CAMKMT: variants seen among roughly 807,000 people sequenced by gnomAD.
The protein encoded by CAMKMT is CaM KMT.
CAMKMT carries 53 observed loss-of-function variants against 48.0 expected under a neutral mutation model. The observed-to-expected ratio is 1.10, with a 90% CI of 0.89 to 1.39. The LOEUF (loss-of-function observed/expected upper bound fraction) is 1.39. CAMKMT is among the 40% of genes most tolerant of loss of function. The probability of loss-of-function intolerance (pLI) is 0.00; values close to 1 mark genes in which losing one functional copy is unlikely to be tolerated. For synonymous variants in CAMKMT, 165 were observed against 152.3 expected (o/e 1.08, Z -0.61); for missense variants, 428 against 402.7 (o/e 1.06, Z -0.54).
chr2:44,530,110 A>C (rs764215), intron 3 of CAMKMT, among the ~76,000 whole-genome samples: 1 of 152,174 alleles, frequency 6.6e-6, no homozygotes, highest in African/African-American at 2.4e-5. Context: ...GCTCACTTCA[A>C]TGTCATAGTA....
chr2:44,428,342 G>A (rs1457495164), intron 3 of CAMKMT, among the ~76,000 whole-genome samples: 1 of 152,202 alleles, frequency 6.6e-6, no homozygotes, highest in East Asian at 1.9e-4. Flanking sequence ...ATGTTCAGCT[G>A]CCTCTTCTCT....
At chr2:44,567,633 A>G (rs1668685151) in intron 3 of CAMKMT, among the ~76,000 whole-genome samples, 1 of 152,152 alleles carries the variant, frequency 6.6e-6, no homozygotes, top group South Asian at 2.1e-4. Flanking sequence ...AAAGACTGCT[A>G]TTAGACAGAG....
chr2:44,612,765 G>A (rs867001906), intron 3 of CAMKMT, among the ~76,000 whole-genome samples: 1 of 151,944 alleles, frequency 6.6e-6, no homozygotes, highest in Admixed American at 6.6e-5. Context: ...ATTATAACAG[G>A]GACTCAAAAG....
chr2:44,761,080 G>T (rs558040879), intron 9 of CAMKMT, among the ~76,000 whole-genome samples: 9 of 152,178 alleles, frequency 5.9e-5, no homozygotes, highest in Non-Finnish European at 1.2e-4. Flanking sequence ...CAGAGGTGTG[G>T]GCAACCCTTG....
rs571410173 is a variant in CAMKMT, at chr2:44,618,669, G to A, written c.377-85614G>A. ...AATAGTCTTTCTTGAGTGGATTTGA[G>A]CACTTTGGCTGTGTGTTTATGTGTA... On this transcript the variant is annotated intron_variant, in intron 3 of 10. Coordinates refer to ENST00000378494, the MANE Select transcript of CAMKMT (RefSeq NM_024766.5). The surrounding 1 kb of genome is among the most constrained non-coding windows in gnomAD (Gnocchi z 4.0). Among the ~76,000 whole-genome samples the A allele has an allele frequency of 6.6e-6, 1 of 152,274 alleles. No homozygotes were observed. Among genetic ancestry groups the A allele is most frequent in the Admixed American group, 6.5e-5 (1 of 15,298 alleles).
intron 3 of CAMKMT, among the ~76,000 whole-genome samples, chr2:44,579,272 G>C (rs1669409190): frequency 6.6e-6 from 1 of 151,642 alleles, no homozygotes; most frequent in Non-Finnish European, 1.5e-5. Flanking sequence ...AATGTCAGAT[G>C]AGTCATTTTG....
At chr2:44,711,798 A>C (rs1428806694) in intron 6 of CAMKMT, among the ~76,000 whole-genome samples, 1 of 152,198 alleles carries the variant, frequency 6.6e-6, no homozygotes, top group Non-Finnish European at 1.5e-5. Context: ...ATACTCCATT[A>C]AGCCTAACAA....
At chr2:44,629,436 T>C (rs1359508507) in intron 3 of CAMKMT, among the ~76,000 whole-genome samples, 2 of 140,038 alleles carry the variant, frequency 1.4e-5, no homozygotes, top group African/African-American at 5.7e-5. Flanking sequence ...TTTCTTTCTT[T>C]TTTTTTTTTT....
At chr2:44,470,771 C>T (rs1392977156) in intron 3 of CAMKMT, among the ~76,000 whole-genome samples, 1 of 152,010 alleles carries the variant, frequency 6.6e-6, no homozygotes, top group Non-Finnish European at 1.5e-5. Context: ...AAAAGTAATA[C>T]CTTATTGAGT....
chr2:44,705,253 T>C, intron 4 of CAMKMT: 1 of 539,034 alleles, frequency 1.9e-6, no homozygotes, highest in Non-Finnish European at 2.4e-6. Context: ...TGGCTTCTTC[T>C]CCTCCCTTTC....
intron 3 of CAMKMT, among the ~76,000 whole-genome samples, chr2:44,527,767 TC>T (rs1666233130): frequency 8.9e-6 from 1 of 112,912 alleles, no homozygotes; most frequent in Non-Finnish European, 1.8e-5. Context: ...CATGACCCCC[TC>T]CTCCCACATG....
chr2:44,366,364 T>C (rs1040996643), intron 1 of CAMKMT, among the ~76,000 whole-genome samples: 2 of 152,258 alleles, frequency 1.3e-5, no homozygotes, highest in African/African-American at 4.8e-5. Context: ...TGCTCTTCAC[T>C]GATCTATATC....
At chr2:44,768,369 T>A (rs1158849271) in intron 10 of CAMKMT, among the ~76,000 whole-genome samples, 32 of 120,144 alleles carry the variant, frequency 2.7e-4, no homozygotes, top group Middle Eastern at 8.1e-3. Context: ...ATATTTTTTT[T>A]TTTTTTTTAA....
At chr2:44,396,037 TTAATAAATAGTA>T (rs1345692679) in intron 3 of CAMKMT, among the ~76,000 whole-genome samples, 1 of 152,134 alleles carries the variant, frequency 6.6e-6, no homozygotes, top group Non-Finnish European at 1.5e-5. Flanking sequence ...GATGGATTCT[TTAATAAATAGTA>T]TTGGGACCAT....
intron 2 of CAMKMT, among the ~76,000 whole-genome samples, chr2:44,381,501 A>C (rs1388053935): frequency 6.6e-6 from 1 of 152,228 alleles, no homozygotes; most frequent in Non-Finnish European, 1.5e-5. Context: ...AATCAGAAAT[A>C]GATTTGATGT....
At chr2:44,571,771 C>A (rs898300037) in intron 3 of CAMKMT, among the ~76,000 whole-genome samples, 6 of 151,738 alleles carry the variant, frequency 4.0e-5, no homozygotes, top group Non-Finnish European at 8.8e-5. Context: ...CTAGGGAGTT[C>A]GAGACCAGCC....
intron 3 of CAMKMT, among the ~76,000 whole-genome samples, chr2:44,607,359 G>A (rs548440837): frequency 1.3e-5 from 2 of 152,278 alleles, no homozygotes; most frequent in Admixed American, 1.3e-4. Flanking sequence ...CTAATTTGGG[G>A]AAGGAAGGTT....
intron 3 of CAMKMT, among the ~76,000 whole-genome samples, chr2:44,693,725 G>A (rs1558800409): frequency 6.6e-6 from 1 of 152,220 alleles, no homozygotes; most frequent in Non-Finnish European, 1.5e-5. Context: ...AAGAAAAGGA[G>A]ACAGAGTACA....
At chr2:44,605,987 C>G (rs1387766114) in intron 3 of CAMKMT, among the ~76,000 whole-genome samples, 1 of 152,072 alleles carries the variant, frequency 6.6e-6, no homozygotes, top group Non-Finnish European at 1.5e-5. Flanking sequence ...AGTAAGAATT[C>G]TATATAGTTC....
Sources: allele counts gnomAD v4.1 joint callset (sites outside exome capture counted in the v4.1 genomes callset), GRCh38; gene constraint gnomAD v4.1.1; non-coding constraint Gnocchi (gnomAD v3.1); transcripts MANE v1.5; gene names NCBI Gene and HGNC (gene_info 2026-07-23, HGNC 2026-07-21).